The following MLXIPL variants were observed in gnomAD, a reference collection of about 807,000 sequenced individuals.
The protein encoded by MLXIPL is carbohydrate-responsive element-binding protein.
A neutral mutation model predicts 81.5 loss-of-function variants in MLXIPL; 49 were observed. That is an observed-to-expected ratio of 0.60 (90% CI 0.48 to 0.76). MLXIPL has a LOEUF of 0.76. Ranked by LOEUF, MLXIPL falls within the 30% of genes least tolerant of loss-of-function variation. The pLI, the probability that MLXIPL is intolerant of heterozygous loss-of-function variation, is 0.00. For synonymous variants in MLXIPL, 466 were observed against 485.5 expected (o/e 0.96, Z 0.53); for missense variants, 1,053 against 1,167.0 (o/e 0.90, Z 1.42).
At chr7:73,617,804 C>A (rs191565601) in intron 1 of MLXIPL, among the ~76,000 whole-genome samples, 3 of 152,036 alleles carry the variant, frequency 2.0e-5, no homozygotes, top group African/African-American at 7.2e-5. Context: ...ATGATCACGC[C>A]ACTGCACTCC....
intron 8 of MLXIPL, 46 bp from the exon 9 acceptor site, chr7:73,597,759 TGCCCCTGGCAGCCATCTG>T: frequency 1.5e-6 from 2 of 1,294,728 alleles, no homozygotes; most frequent in Non-Finnish European, 2.0e-6. Flanking sequence ...GGGAGAGAGC[TGCCCCTGGCAGCCATCTG>T]GGCCTCCCCT....
At chr7:73,594,972 A>G (rs753357959) in intron 15 of MLXIPL, among the ~76,000 whole-genome samples, 97 of 151,270 alleles carry the variant, frequency 6.4e-4, no homozygotes, top group Non-Finnish European at 1.1e-3. Context: ...CAGCCTCCCG[A>G]GTAGTTGGGA....
the MLXIPL span, among the ~76,000 whole-genome samples, chr7:73,636,393 G>A: frequency 6.7e-6 from 1 of 150,008 alleles, no homozygotes. Flanking sequence ...CTGAGCGACA[G>A]AGTGAGACTC....
At chr7:73,646,764 C>T in the MLXIPL span, among the ~76,000 whole-genome samples, 1 of 152,038 alleles carries the variant, frequency 6.6e-6, no homozygotes. Context: ...TCTGAGACTT[C>T]TCCTGCATCT....
chr7:73,596,313 A>T lies in MLXIPL; in HGVS notation c.1939-41T>A. 6.4e-7 allele frequency: 1 copy of T among 1,565,362 alleles called. No individual in the cohort carries two copies. The highest frequency in any genetic ancestry group is 8.6e-7 in the Non-Finnish European group (1 of 1,162,308). On this transcript the variant is annotated intron_variant, in intron 12 of 16. Transcript: ENST00000313375. This position sits in a 1 kb window ranked among gnomAD's most constrained non-coding sequence, Gnocchi z 4.7. ...GTTGGGTGAGCCTAGGAAGGAGCCC[A>T]GGAGGGCCTGGGGGTAGCAAACCGA...
chr7:73,594,456 G>A (rs1255987202), intron 15 of MLXIPL, 53 bp from the exon 16 acceptor site: 4 of 1,597,988 alleles, frequency 2.5e-6, no homozygotes, highest in Middle Eastern at 1.6e-4. Context: ...CCCACACCAC[G>A]TGGAGCCCTG....
chr7:73,607,167 C>G, intron 4 of MLXIPL, 149 bp from the exon 5 acceptor site: 1 of 1,269,338 alleles, frequency 7.9e-7, no homozygotes, highest in Non-Finnish European at 1.1e-6. Context: ...CGCTAGGAGA[C>G]GCTGTGGCCA....
intron 1 of MLXIPL, among the ~76,000 whole-genome samples, chr7:73,622,949 C>T (rs1291556712): frequency 3.3e-5 from 5 of 152,114 alleles, no homozygotes; most frequent in African/African-American, 1.2e-4. Context: ...ATCCGGTGTA[C>T]CAGGACCTTA....
At chr7:73,624,651 A>G (rs1584165042), upstream of MLXIPL, 1 of 1,311,928 alleles carries the variant, frequency 7.6e-7, no homozygotes, top group Middle Eastern at 2.8e-4. Flanking sequence ...CATAATCCTT[A>G]CGCCAGGTGA....
Position 73,596,040 on chromosome 7 carries a change from A to G in MLXIPL, c.2059-71T>C. ...CCCTGGGACCCACTGAGGCACTGGGATGGGAGGAGGCAAGAGTGTCTGGAG... is the reference window on the plus strand; with the variant it reads ...CCCTGGGACCCACTGAGGCACTGGGGTGGGAGGAGGCAAGAGTGTCTGGAG... On this transcript the variant is annotated intron_variant, in intron 13 of 16. Coordinates refer to ENST00000313375, the MANE Select transcript of MLXIPL (RefSeq NM_032951.3). The surrounding 1 kb of genome is among the most constrained non-coding windows in gnomAD (Gnocchi z 4.7). 2 of 1,603,942 alleles carry G rather than the reference A, an allele frequency of 1.2e-6. No homozygotes were observed. The highest frequency in any genetic ancestry group is 1.7e-6 in the Non-Finnish European group (2 of 1,177,752).
chr7:73,609,840 C>G (rs1795575179), intron 2 of MLXIPL: 1 of 151,962 alleles, frequency 6.6e-6, no homozygotes, highest in South Asian at 2.1e-4. Context: ...CCCAGCTAAT[C>G]TGTGAATTTT....
chr7:73,601,363 G>A (rs1584093768), intron 7 of MLXIPL, among the ~76,000 whole-genome samples: 1 of 151,966 alleles, frequency 6.6e-6, no homozygotes, highest in African/African-American at 2.4e-5. Context: ...GGAGACAGCA[G>A]GGGACTGTGG....
the MLXIPL span, among the ~76,000 whole-genome samples, chr7:73,630,244 G>T: frequency 1.4e-5 from 2 of 147,840 alleles, no homozygotes; most frequent in African/African-American, 5.0e-5. Flanking sequence ...TTATCTGCCC[G>T]CCTCGGCCTC....
the MLXIPL span, among the ~76,000 whole-genome samples, chr7:73,629,743 G>A: frequency 5.4e-4 from 82 of 152,098 alleles, no homozygotes; most frequent in Non-Finnish European, 1.0e-3. Context: ...TAAAAGGCAC[G>A]TTCATAAATT....
chr7:73,624,882 A>ACC (rs559618924), upstream of MLXIPL, among the ~76,000 whole-genome samples: 1 of 151,806 alleles, frequency 6.6e-6, no homozygotes, highest in Non-Finnish European at 1.5e-5. Context: ...ATATGGCAAG[A>ACC]CCCCCATCTC....
rs781816046 is a variant in MLXIPL, at chr7:73,597,235, G to A, written c.1550C>T (p.Pro517Leu). 2 of 1,603,796 alleles carry A rather than the reference G, an allele frequency of 1.2e-6. No homozygotes were observed. The highest frequency in any genetic ancestry group is 1.7e-5 in the Admixed American group (1 of 59,164). ...PPTLAPATAS[P>L]PTTAGSNNPC... ...GTTGTTGCTCCCCGCAGTGGTGGGG[G>A]GACTGGCAGTGGCAGGGGCTAAGGT... Residue 517 changes from proline to leucine, a missense_variant, in exon 9 of 17, where the codon CCC (proline) becomes CTC (leucine). Physicochemically the swap from Pro to Leu is moderately conservative, Grantham distance 98. Transcript: ENST00000313375.
chr7:73,638,353 G>GT, the MLXIPL span, among the ~76,000 whole-genome samples: 1 of 152,184 alleles, frequency 6.6e-6, no homozygotes, highest in Non-Finnish European at 1.5e-5. Context: ...CACCCAGGCT[G>GT]GAATGCAGTG....
intron 1 of MLXIPL, among the ~76,000 whole-genome samples, chr7:73,619,608 AAC>A (rs1796209051): frequency 6.8e-6 from 1 of 148,116 alleles, no homozygotes; most frequent in African/African-American, 2.5e-5. Context: ...CAGCCTGGGC[AAC>A]AGAGTGGGAA....
Position 73,607,400 on chromosome 7 carries a change from G to C in MLXIPL, c.504C>G (p.Asn168Lys). 2 of 1,560,038 alleles carry C rather than the reference G, an allele frequency of 1.3e-6. No homozygotes were observed. The highest frequency in any genetic ancestry group is 1.7e-6 in the Non-Finnish European group (2 of 1,151,554). The part of the protein sequence containing the change: ...RKPEAVVLEG[N>K]YWKRRIEVVM... ...CCACCTCGATGCGCCGCTTCCAGTAGTTCCCCTCCAGGACCACGGCCTGGG... is the reference window on the plus strand; with the variant it reads ...CCACCTCGATGCGCCGCTTCCAGTACTTCCCCTCCAGGACCACGGCCTGGG... The change falls in exon 4 of 17, where the codon AAC becomes AAG. Residue 168 changes from asparagine (N) to lysine (K), a missense_variant. Coordinates refer to ENST00000313375, the MANE Select transcript of MLXIPL (RefSeq NM_032951.3).
Sources: allele counts gnomAD v4.1 joint callset (sites outside exome capture counted in the v4.1 genomes callset), GRCh38; gene constraint gnomAD v4.1.1; non-coding constraint Gnocchi (gnomAD v3.1); transcripts MANE v1.5; gene names NCBI Gene and HGNC (gene_info 2026-07-23, HGNC 2026-07-21).